Variants in CLASP2 observed in about 807,000 individuals in gnomAD.
CLASP2 encodes the protein cytoplasmic linker associated protein 2.
CLASP2 carries 47 observed loss-of-function variants against 194.4 expected under a neutral mutation model. The observed-to-expected ratio is 0.24, with a 90% CI of 0.19 to 0.31. The LOEUF is 0.31. Ranked by LOEUF, CLASP2 falls within the 10% of genes least tolerant of loss-of-function variation. The pLI, the probability that CLASP2 is intolerant of heterozygous loss-of-function variation, is 1.00. For missense variants in CLASP2, 1,445 were observed against 1,823.6 expected (o/e 0.79, Z 3.78); for synonymous variants, 619 against 633.5 (o/e 0.98, Z 0.34).
intron 7 of CLASP2, among the ~76,000 whole-genome samples, chr3:33,649,246 T>A (rs1433477130): frequency 2.0e-5 from 3 of 152,190 alleles, no homozygotes; most frequent in African/African-American, 7.2e-5. Context: ...ATCACAAACT[T>A]CCCAACACCC....
chr3:33,551,511 G>T, intron 29 of CLASP2, 116 bp from the exon 30 acceptor site: 1 of 995,756 alleles, frequency 1.0e-6, no homozygotes, highest in Non-Finnish European at 1.4e-6. Context: ...TACAGATAGG[G>T]TCTTACTATG....
chr3:33,542,075 T>G (rs146641790), intron 32 of CLASP2, among the ~76,000 whole-genome samples: 10 of 152,246 alleles, frequency 6.6e-5, no homozygotes, highest in Non-Finnish European at 1.2e-4. Flanking sequence ...TGATTTGCAT[T>G]TCTCTGATGA....
intron 13 of CLASP2, 33 bp downstream of exon 13, chr3:33,611,968 C>T (rs1559376484): frequency 6.8e-7 from 1 of 1,461,970 alleles, no homozygotes. Context: ...CAGAGCTATA[C>T]TAACAACAAC....
chr3:33,613,643 A>G (rs773566605), intron 12 of CLASP2, among the ~76,000 whole-genome samples: 4 of 152,234 alleles, frequency 2.6e-5, no homozygotes, highest in Non-Finnish European at 5.9e-5. Flanking sequence ...AATGCAAGAA[A>G]GTGTGCTGAC....
chr3:33,603,622 T>C (rs1370007508), intron 17 of CLASP2, among the ~76,000 whole-genome samples: 2 of 152,198 alleles, frequency 1.3e-5, no homozygotes, highest in African/African-American at 4.8e-5. Flanking sequence ...TTTTTATTTT[T>C]ATTTATTTTA....
intron 30 of CLASP2, among the ~76,000 whole-genome samples, chr3:33,547,873 C>T (rs533653163): frequency 1.5e-4 from 22 of 149,958 alleles, no homozygotes; most frequent in East Asian, 3.9e-4. Context: ...ACTGCAGCAT[C>T]GACCTCCCAG....
intron 34 of CLASP2, among the ~76,000 whole-genome samples, chr3:33,520,854 C>T (rs1220701992): frequency 6.6e-6 from 1 of 151,786 alleles, no homozygotes; most frequent in African/African-American, 2.4e-5. Context: ...CACACACACA[C>T]ACACACACAC....
intron 18 of CLASP2, among the ~76,000 whole-genome samples, chr3:33,598,160 T>C (rs1560228016): frequency 6.6e-6 from 1 of 150,850 alleles, no homozygotes; most frequent in Non-Finnish European, 1.5e-5. Flanking sequence ...ATCTCACAGG[T>C]CTTTTTTTTT....
chr3:33,642,622 C>T (rs2081515969), intron 8 of CLASP2, among the ~76,000 whole-genome samples: 1 of 151,676 alleles, frequency 6.6e-6, no homozygotes, highest in South Asian at 2.1e-4. Flanking sequence ...TATGTGACTC[C>T]CAAGGTCTTT....
chr3:33,675,004 A>T (rs1192796444), intron 6 of CLASP2, among the ~76,000 whole-genome samples: 2 of 152,178 alleles, frequency 1.3e-5, no homozygotes, highest in African/African-American at 2.4e-5. Context: ...ATTCTACCAG[A>T]GGTACAAGGA....
At chr3:33,688,492 T>G in intron 3 of CLASP2, 124 bp from the exon 4 acceptor site, 2 of 723,972 alleles carry the variant, frequency 2.8e-6, no homozygotes, top group Non-Finnish European at 4.5e-6. Context: ...AGACTGTTGT[T>G]CATTTCTCCA....
chr3:33,542,973 T>C (rs1469705801), intron 32 of CLASP2, among the ~76,000 whole-genome samples: 3 of 152,240 alleles, frequency 2.0e-5, no homozygotes, highest in Admixed American at 1.3e-4. Context: ...TTTAAGTAGT[T>C]GGCTTTCAAA....
In CLASP2 at chr3:33,539,271, T is replaced by C. The variant is rs1000388746; in HGVS notation, c.3405-329A>G. On this transcript the variant is annotated intron_variant, in intron 32 of 38. Coordinates refer to ENST00000682230, the MANE Select transcript of CLASP2 (RefSeq NM_001365631.1). ...AACGTTTTTCACATTTTTAAAAGAT[T>C]GGAAAAAAACAAAAAAAATCATGAA... Among the ~76,000 whole-genome samples the C allele has an allele frequency of 2.0e-5, 3 of 151,858 alleles. No individual in the cohort carries two copies. The South Asian group carries it at 6.2e-4, about 32-fold the overall frequency.
At chr3:33,708,680 T>C (rs2092851864) in intron 1 of CLASP2, among the ~76,000 whole-genome samples, 1 of 151,916 alleles carries the variant, frequency 6.6e-6, no homozygotes, top group African/African-American at 2.4e-5. Context: ...GGAATGCAAA[T>C]ATCTCTTTGA....
chr3:33,585,307 T>G (rs773767175), intron 21 of CLASP2, among the ~76,000 whole-genome samples: 2 of 152,228 alleles, frequency 1.3e-5, no homozygotes, highest in Non-Finnish European at 2.9e-5. Context: ...TACAGTCATA[T>G]GTCACTTAAC....
rs367988384 is a variant in CLASP2 at position 33,697,326 on chromosome 3, G to A, written c.196-393C>T. Among the ~76,000 whole-genome samples, 23 of 152,272 alleles carry A rather than the reference G, an allele frequency of 1.5e-4. No homozygotes were observed. In the East Asian group the frequency reaches 4.1e-3, roughly 27 times the overall value. ...AGTGCATTTACACCTAGACAGTATA[G>A]CCTACTACAAACCTAAGCTATATGG... On this transcript the variant is annotated intron_variant, in intron 1 of 38. Transcript: ENST00000682230.
chr3:33,587,998 G>A (rs1274930842), intron 21 of CLASP2, among the ~76,000 whole-genome samples: 3 of 152,142 alleles, frequency 2.0e-5, no homozygotes, highest in Non-Finnish European at 4.4e-5. Context: ...CAGCAGATAG[G>A]AAACTTGTAG....
In CLASP2 at chr3:33,717,913, G is replaced by A. The variant is rs1210209398; in HGVS notation, c.90C>T (p.Leu30=). 6 of 1,553,084 alleles carry A rather than the reference G, an allele frequency of 3.9e-6. No homozygotes were observed. Among genetic ancestry groups the A allele is most frequent in the Non-Finnish European group, 4.4e-6 (5 of 1,149,062 alleles). ...AGATGGCGCCGGGGGCGCCAAGGTA[G>A]AGCAGGAGCTCCTGGCCGACCTGCA... ...GRLQVGQELL[L]YLGAPGAISD... is the part of the protein sequence containing the mutation. Residue 30 remains leucine (L), a synonymous_variant, in exon 1 of 39, where the codon CTC becomes CTT. Transcript: ENST00000682230.
intron 26 of CLASP2, among the ~76,000 whole-genome samples, chr3:33,569,026 T>C (rs968408631): frequency 1.3e-5 from 2 of 152,166 alleles, no homozygotes; most frequent in African/African-American, 4.8e-5. Context: ...ATCTTCCCAT[T>C]ACATTTGTCT....
Sources: gnomAD v4.1 joint callset for allele counts (sites outside exome capture counted in the v4.1 genomes callset) on GRCh38, gnomAD v4.1.1 for gene constraint, MANE v1.5 for transcripts, NCBI Gene and HGNC (gene_info 2026-07-23, HGNC 2026-07-21) for gene names.